KIAA2012: variants seen among roughly 807,000 people sequenced by gnomAD.
The protein encoded by KIAA2012 is KIAA2012.
KIAA2012 carries 125 observed loss-of-function variants against 150.6 expected under a neutral mutation model. The ratio of observed to expected loss-of-function variants is 0.83; its 90% CI spans 0.72 to 0.96. The LOEUF is 0.96. Ranked by LOEUF, KIAA2012 falls within the 40% of genes least tolerant of loss-of-function variation. The probability of loss-of-function intolerance (pLI) is 0.00; values close to 1 mark genes in which losing one functional copy is unlikely to be tolerated. For synonymous variants in KIAA2012, 462 were observed against 504.7 expected (o/e 0.92, Z 1.13); for missense variants, 1,219 against 1,354.9 (o/e 0.90, Z 1.57).
chr2:202,138,149 G>A (rs1691118877), intron 12 of KIAA2012: 1 of 222,902 alleles, frequency 4.5e-6, no homozygotes, highest in Admixed American at 5.4e-5. Flanking sequence ...AATTTTAATA[G>A]CATAAAGAAT....
At chr2:202,194,666 C>G (rs1012012588) in intron 21 of KIAA2012, among the ~76,000 whole-genome samples, 1 of 83,036 alleles carries the variant, frequency 1.2e-5, no homozygotes, top group Non-Finnish European at 2.7e-5. Flanking sequence ...CAGATGGAAA[C>G]AGCCACAAAC....
chr2:202,120,156 T>C (rs964528350), intron 11 of KIAA2012, among the ~76,000 whole-genome samples: 7 of 152,194 alleles, frequency 4.6e-5, no homozygotes, highest in African/African-American at 1.7e-4. Flanking sequence ...TATGTCTTTA[T>C]CAGCAGCATG....
chr2:202,133,529 A>G (rs529778842), intron 12 of KIAA2012, among the ~76,000 whole-genome samples: 42 of 152,212 alleles, frequency 2.8e-4, no homozygotes, highest in Non-Finnish European at 5.9e-4. Context: ...AAATTGGAAG[A>G]AAAATATTGC....
chr2:202,124,447 T>G (rs1690730807), intron 11 of KIAA2012, among the ~76,000 whole-genome samples: 1 of 152,138 alleles, frequency 6.6e-6, no homozygotes. Flanking sequence ...TAGAATCAGA[T>G]GGACTAGAAT....
At chr2:202,093,330 C>A in intron 4 of KIAA2012, 145 bp downstream of exon 4, 1 of 791,646 alleles carries the variant, frequency 1.3e-6, no homozygotes, top group Non-Finnish European at 2.0e-6. Context: ...TTAGTGCAGA[C>A]CAGCACTGTC....
chr2:202,174,947 A>G (rs1321584202), intron 15 of KIAA2012, among the ~76,000 whole-genome samples: 3 of 152,224 alleles, frequency 2.0e-5, no homozygotes, highest in Non-Finnish European at 4.4e-5. Flanking sequence ...CAAAATTTAA[A>G]TAATTCTTTA....
At chr2:202,194,423 C>T (rs1281706985) in intron 21 of KIAA2012, 61 bp downstream of exon 21, 1 of 1,517,332 alleles carries the variant, frequency 6.6e-7, no homozygotes, top group African/African-American at 1.4e-5. Flanking sequence ...CACTTTTATC[C>T]AGCTGTGAGT....
intron 2 of KIAA2012, among the ~76,000 whole-genome samples, chr2:202,078,313 AG>A (rs1470254431): frequency 6.6e-6 from 1 of 152,228 alleles, no homozygotes; most frequent in East Asian, 1.9e-4. Context: ...GTTTTGAGAC[AG>A]GGTTTCCTCT....
rs539538922 is a variant in KIAA2012 at position 202,082,599 on chromosome 2, A to T, written c.369+7424A>T. Among the ~76,000 whole-genome samples the T allele has an allele frequency of 3.9e-3, 189 of 48,974 alleles. 1 individual carries two copies. Among genetic ancestry groups the T allele is most frequent in the African/African-American group, 0.015 (182 of 12,056 alleles). 32.1% of individuals were successfully genotyped at this position (48,974 alleles called of 152,430 possible). The stretch of plus-strand genomic sequence containing the variant: ...TGACAGGGCGAGAGTCTGTCTTTAA[A>T]AAAAAAAAAAAGAAGTTTTTAATTT... On this transcript the variant is annotated intron_variant, in intron 2 of 23. Coordinates refer to ENST00000498697, the MANE Select transcript of KIAA2012 (RefSeq NM_001277372.4).
At chr2:202,189,572 G>T (rs979926744) in intron 18 of KIAA2012, among the ~76,000 whole-genome samples, 6 of 152,038 alleles carry the variant, frequency 3.9e-5, no homozygotes, top group Non-Finnish European at 8.8e-5. Context: ...TTACAAGTGT[G>T]AGCCACCACG....
At chr2:202,168,555 G>A (rs1315790356) in intron 15 of KIAA2012, among the ~76,000 whole-genome samples, 1 of 152,038 alleles carries the variant, frequency 6.6e-6, no homozygotes, top group African/African-American at 2.4e-5. Flanking sequence ...TTATTCTAAG[G>A]TAATAACATA....
chr2:202,105,863 C>G lies in KIAA2012; in HGVS notation c.1427C>G (p.Thr476Arg). The change falls in exon 9 of 24, where the codon ACA becomes AGA. Residue 476 changes from threonine (T) to arginine (R), a missense_variant. Transcript: ENST00000498697. The stretch of plus-strand genomic sequence containing the variant: ...TCCTTAGAAACACCATGGGAGTTAA[C>G]AGTGCATCTCCCAGTGGACGCGAGC... ...HASLETPWEL[T>R]VHLPVDASRD... 3 of 1,550,864 alleles carry G rather than the reference C, an allele frequency of 1.9e-6. No homozygotes were observed. Among genetic ancestry groups the G allele is most frequent in the Non-Finnish European group, 2.6e-6 (3 of 1,147,048 alleles).
intron 12 of KIAA2012, among the ~76,000 whole-genome samples, chr2:202,130,150 A>G (rs1337514884): frequency 6.6e-6 from 1 of 152,210 alleles, no homozygotes; most frequent in Non-Finnish European, 1.5e-5. Flanking sequence ...TGGTCTAACA[A>G]TGTGATGGTT....
intron 2 of KIAA2012, among the ~76,000 whole-genome samples, chr2:202,083,577 G>A (rs537539670): frequency 1.3e-5 from 2 of 152,350 alleles, no homozygotes; most frequent in East Asian, 3.9e-4. Context: ...ACTTCTGGCT[G>A]GAGCAGGCAG....
intron 15 of KIAA2012, 67 bp from the exon 16 acceptor site, chr2:202,184,686 C>A: frequency 8.8e-7 from 1 of 1,135,220 alleles, no homozygotes; most frequent in Non-Finnish European, 1.2e-6. Context: ...AGATGTTTTT[C>A]CATGTCTGAT....
At chr2:202,084,830 A>AT (rs1201555846) in intron 2 of KIAA2012, among the ~76,000 whole-genome samples, 3 of 152,270 alleles carry the variant, frequency 2.0e-5, no homozygotes, top group Non-Finnish European at 4.4e-5. Flanking sequence ...ACTTGATTTT[A>AT]TTTTTTTAAA....
intron 11 of KIAA2012, among the ~76,000 whole-genome samples, chr2:202,120,023 G>A (rs907337011): frequency 2.0e-5 from 3 of 152,164 alleles, no homozygotes; most frequent in Non-Finnish European, 4.4e-5. Context: ...TTTGCCTGCT[G>A]CTATCCATGT....
At chr2:202,085,541 A>G (rs1385980017) in intron 2 of KIAA2012, among the ~76,000 whole-genome samples, 2 of 152,154 alleles carry the variant, frequency 1.3e-5, no homozygotes, top group East Asian at 3.8e-4. Context: ...GAAGCTGGAA[A>G]AGGCAGGGAA....
chr2:202,086,328 T>G (rs1439743474), intron 2 of KIAA2012, among the ~76,000 whole-genome samples: 1 of 151,998 alleles, frequency 6.6e-6, no homozygotes, highest in Non-Finnish European at 1.5e-5. Context: ...CAGAGGAAAG[T>G]CAGTCAAAGC....
Sources: gnomAD v4.1 joint callset for allele counts (sites outside exome capture counted in the v4.1 genomes callset) on GRCh38, gnomAD v4.1.1 for gene constraint, MANE v1.5 for transcripts, NCBI Gene and HGNC (gene_info 2026-07-23, HGNC 2026-07-21) for gene names.